Variants in TYRO3 observed in about 807,000 individuals in gnomAD.
The protein encoded by TYRO3 is TYRO3 protein tyrosine kinase, also known as tyrosine-protein kinase receptor TYRO3.
Under a neutral mutation model 95.2 loss-of-function variants are expected in TYRO3, and 38 were observed. The observed-to-expected ratio is 0.40, with a 90% CI of 0.31 to 0.52. The LOEUF (loss-of-function observed/expected upper bound fraction) is 0.52, where lower values mean the gene tolerates loss of function less well. Ranked by LOEUF, TYRO3 falls within the 20% of genes least tolerant of loss-of-function variation. The pLI, the probability that TYRO3 is intolerant of heterozygous loss-of-function variation, is 0.56. For synonymous variants in TYRO3, 367 were observed against 432.9 expected (o/e 0.85, Z 1.89); for missense variants, 812 against 1,116.4 (o/e 0.73, Z 3.89).
chr15:41,568,474 GC>G, intron 8 of TYRO3, 112 bp downstream of exon 8: 2 of 1,117,688 alleles, frequency 1.8e-6, no homozygotes, highest in African/African-American at 1.6e-5. Flanking sequence ...GTCTCCCGCA[GC>G]CCCAGGGAAT....
At chr15:41,568,386 T>A in intron 8 of TYRO3, 24 bp downstream of exon 8, 1 of 1,582,376 alleles carries the variant, frequency 6.3e-7, no homozygotes, top group Non-Finnish European at 8.6e-7. Flanking sequence ...CTCCCCTCTC[T>A]CCACTCTCCT....
chr15:41,563,359 G>A (rs1390189993), intron 4 of TYRO3, among the ~76,000 whole-genome samples: 2 of 152,154 alleles, frequency 1.3e-5, no homozygotes, highest in African/African-American at 4.8e-5. Flanking sequence ...TTGCTTATTT[G>A]TTTCTGGTTG....
chr15:41,577,883 C>G lies in TYRO3; in HGVS notation c.2283-3C>G. ...CCTTTTCTCACGCTTCTCTCCACCC[C>G]AGGTATGATCTCATGTACCAGTGCT... On this transcript the variant is annotated splice_polypyrimidine_tract_variant and splice_region_variant and intron_variant, in intron 18 of 18. Coordinates refer to ENST00000263798, the MANE Select transcript of TYRO3 (RefSeq NM_006293.4). 6.2e-7 allele frequency: 1 copy of G among 1,610,266 alleles called. No individual in the cohort carries two copies. Among genetic ancestry groups the G allele is most frequent in the Non-Finnish European group, 8.5e-7 (1 of 1,178,940 alleles).
chr15:41,567,375 G>C lies in TYRO3; in HGVS notation c.799G>C (p.Gly267Arg). ...SCTVQVTQAP[G>R]GWEVLAVVVP... Reference sequence around the variant, plus strand: ...TTTTCTGTAGGTGACACAGGCCCCAGGAGGCTGGGAAGTCCTGGCTGTTGT... The same window carrying C: ...TTTTCTGTAGGTGACACAGGCCCCACGAGGCTGGGAAGTCCTGGCTGTTGT... Residue 267 changes from glycine (G) to arginine (R), a missense_variant, in exon 7 of 19, where the codon GGA (glycine) becomes CGA (arginine). Gly to Arg is a moderately radical substitution (Grantham distance 125, BLOSUM62 -2). Transcript: ENST00000263798. 6.4e-7 allele frequency: 1 copy of C among 1,572,752 alleles called. No homozygotes were observed. The highest frequency in any genetic ancestry group is 8.6e-7 in the Non-Finnish European group (1 of 1,164,876).
chr15:41,563,319 G>A (rs2055680750), intron 4 of TYRO3, among the ~76,000 whole-genome samples: 1 of 152,178 alleles, frequency 6.6e-6, no homozygotes, highest in Non-Finnish European at 1.5e-5. Flanking sequence ...TCACATGCTT[G>A]TAAGGCTTGC....
chr15:41,568,386 T>C, intron 8 of TYRO3, 24 bp downstream of exon 8: 4 of 1,582,376 alleles, frequency 2.5e-6, no homozygotes, highest in Non-Finnish European at 3.5e-6. Flanking sequence ...CTCCCCTCTC[T>C]CCACTCTCCT....
At chr15:41,570,177 A>T in intron 10 of TYRO3, 21 bp downstream of exon 10, 1 of 990,148 alleles carries the variant, frequency 1.0e-6, no homozygotes, top group Non-Finnish European at 1.5e-6. Context: ...GGGGATGTGG[A>T]GGGAGAGGCA....
chr15:41,571,703 G>C lies in TYRO3; in HGVS notation c.1753+16G>C. 1.3e-6 allele frequency: 2 copies of C among 1,535,026 alleles called. No individual in the cohort carries two copies. Among genetic ancestry groups the C allele is most frequent in the African/African-American group, 1.4e-5 (1 of 73,314 alleles). ...AAACTTGTTGGTGAGCCCATTTTTG[G>C]GGGAGGCAGATAGAGAATAGGGCTA... On this transcript the variant is annotated intron_variant, in intron 14 of 18. Transcript: ENST00000263798.
In TYRO3 at chr15:41,560,416, TGTGTGTGTGTGTGC is replaced by T. The variant is rs1238722994; in HGVS notation, c.125-709_125-696del. 6.3e-5 allele frequency among the ~76,000 whole-genome samples: 9 copies of T among 143,942 alleles called. No individual in the cohort carries two copies. The East Asian group carries it at 8.3e-4, about 13-fold the overall frequency. 94.4% of individuals were successfully genotyped at this position (143,942 alleles called of 152,430 possible). A position where few individuals can be genotyped will look rare whatever the true frequency, so the allele number is the denominator to read the frequency against. ...GTATGTGTGTGTGTGTGTGTGTGTGTGTGTGTGTGTGTGCGCGCGCGCGCGCGCGCTCGCACGCA... is the reference window on the plus strand; with the variant it reads ...GTATGTGTGTGTGTGTGTGTGTGTGTGCGCGCGCGCGCGCGCTCGCACGCA... On this transcript the variant is annotated intron_variant, in intron 1 of 18. Coordinates refer to ENST00000263798, the MANE Select transcript of TYRO3 (RefSeq NM_006293.4).
At chr15:41,562,849 AG>A in intron 4 of TYRO3, 131 bp downstream of exon 4, 1 of 916,666 alleles carries the variant, frequency 1.1e-6, no homozygotes, top group South Asian at 1.7e-5. Context: ...TGGGGACGTG[AG>A]CTGCACCATT....
At position 41,578,641 on chromosome 15, in the gene TYRO3, C is replaced by A. The variant is rs1200742458; in HGVS notation, c.*365C>A. On this transcript the variant is annotated 3_prime_UTR_variant, in exon 19 of 19. Transcript: ENST00000263798. ...TGGGCCCTACCCTCCTGCTGAGCTG[C>A]CCCTGCTGCTTAAGTGCATGCATTG... The A allele has an allele frequency of 1.2e-5, 4 of 324,514 alleles. No individual in the cohort carries two copies. The highest frequency in any genetic ancestry group is 1.7e-5 in the Non-Finnish European group (3 of 177,878). The allele number at this position is 324,514 out of a possible 1,614,324, so 20.1% of individuals were successfully genotyped here.
At position 41,578,302 on chromosome 15, in the gene TYRO3, A is replaced by G; in HGVS notation, c.*26A>G. The G allele has an allele frequency of 1.2e-6, 2 of 1,612,558 alleles. No homozygotes were observed. The highest frequency in any genetic ancestry group is 1.7e-6 in the Non-Finnish European group (2 of 1,179,768). On this transcript the variant is annotated 3_prime_UTR_variant, in exon 19 of 19. Coordinates refer to ENST00000263798, the MANE Select transcript of TYRO3 (RefSeq NM_006293.4). The stretch of plus-strand genomic sequence containing the variant: ...CCCACAGGCAGAGGGCATCGGGGCC[A>G]TTTGGCCGGCTCTGGTGGCCACTGA...
At chr15:41,569,568 T>C (rs72741804) in intron 9 of TYRO3, among the ~76,000 whole-genome samples, 37,365 of 152,046 alleles carry the variant, frequency 0.25, 4,989 homozygotes, top group Middle Eastern at 0.33. Context: ...TCTAGGAGTT[T>C]GAGACCACCT....
In TYRO3 at chr15:41,570,714, G is replaced by T; in HGVS notation, c.1579+15G>T. On this transcript the variant is annotated intron_variant, in intron 12 of 18. Coordinates refer to ENST00000263798, the MANE Select transcript of TYRO3 (RefSeq NM_006293.4). ...GTTGGGCAAAGGTATGTGAGGCTGT[G>T]TGGGGATGGGCATGGCTGGTTTGCT... 2 of 1,612,758 alleles carry T rather than the reference G, an allele frequency of 1.2e-6. No individual in the cohort carries two copies. Among genetic ancestry groups the T allele is most frequent in the Non-Finnish European group, 1.7e-6 (2 of 1,178,790 alleles).
chr15:41,574,642 T>C lies in TYRO3; in HGVS notation c.2282+827T>C, dbSNP rs148112277. 1.3e-3 allele frequency: 591 copies of C among 456,080 alleles called. 5 individuals carry two copies. Among genetic ancestry groups the C allele is most frequent in the African/African-American group, 0.011 (553 of 50,190 alleles). 28.3% of individuals were successfully genotyped at this position (456,080 alleles called of 1,614,324 possible). The stretch of plus-strand genomic sequence containing the variant: ...TAACTCTTTATGACAACAACTGTGA[T>C]TTGTCTGTTCTAGTCTTACACTCCC... On this transcript the variant is annotated intron_variant, in intron 18 of 18. Transcript: ENST00000263798.
At position 41,569,007 on chromosome 15, in the gene TYRO3, T is replaced by A; in HGVS notation, c.1237T>A (p.Ser413Thr). 6.2e-7 allele frequency: 1 copy of A among 1,614,040 alleles called. No homozygotes were observed. ...CTGGAGTCAGCCACTGGTGGTCTCT[T>A]CTCATGACCGTGCAGGTGAGGCTTG... ...GPWSQPLVVS[S>T]HDRAGQQGPP... is the part of the protein sequence containing the mutation. Residue 413 changes from serine to threonine, a missense_variant, in exon 9 of 19, where the codon TCT (serine) becomes ACT (threonine). By Grantham distance (58) the Ser-to-Thr change is moderately conservative. Coordinates refer to ENST00000263798, the MANE Select transcript of TYRO3 (RefSeq NM_006293.4).
At chr15:41,574,186 G>A (rs1348700578) in intron 18 of TYRO3, among the ~76,000 whole-genome samples, 1 of 151,872 alleles carries the variant, frequency 6.6e-6, no homozygotes, top group Non-Finnish European at 1.5e-5. Context: ...TATTTTATTT[G>A]TTCTACCCTA....
At position 41,570,357 on chromosome 15, in the gene TYRO3, C is replaced by A; in HGVS notation, c.1483+17C>A. The A allele has an allele frequency of 1.2e-6, 2 of 1,612,362 alleles. No homozygotes were observed. Among genetic ancestry groups the A allele is most frequent in the South Asian group, 2.2e-5 (2 of 90,972 alleles). On this transcript the variant is annotated intron_variant, in intron 11 of 18. Coordinates refer to ENST00000263798, the MANE Select transcript of TYRO3 (RefSeq NM_006293.4). ...AGGCCACATGTGAGTGGTGGGTGATCGTGGGAAGGACAAATGGGCTGTCTT... is the reference window on the plus strand; with the variant it reads ...AGGCCACATGTGAGTGGTGGGTGATAGTGGGAAGGACAAATGGGCTGTCTT...
chr15:41,570,262 GC>G lies in TYRO3; in HGVS notation c.1408del (p.Arg470GlyfsTer35), dbSNP rs1229564057. 6.2e-7 allele frequency: 1 copy of G among 1,613,930 alleles called. No individual in the cohort carries two copies. Among genetic ancestry groups the G allele is most frequent in the Non-Finnish European group, 8.5e-7 (1 of 1,179,970 alleles). On this transcript the variant is annotated frameshift_variant, in exon 11 of 19. Coordinates refer to ENST00000263798, the MANE Select transcript of TYRO3 (RefSeq NM_006293.4). LOFTEE classifies it high-confidence loss of function. The stretch of plus-strand genomic sequence containing the variant: ...TAGGCAAGCCTTTGACAGTGTCATG[GC>G]CCGGGGAGAGCCAGCCGTTCACTTC... ...RFGQAFDSVM[A>X]RGEPAVHFRA...
Sources: gnomAD v4.1 joint callset for allele counts (sites outside exome capture counted in the v4.1 genomes callset) on GRCh38, gnomAD v4.1.1 for gene constraint, MANE v1.5 for transcripts, NCBI Gene and HGNC (gene_info 2026-07-23, HGNC 2026-07-21) for gene names.